Variants in CAMK1 observed in about 807,000 individuals in gnomAD.
CAMK1 encodes the protein calcium/calmodulin-dependent protein kinase type 1.
A neutral mutation model predicts 49.1 loss-of-function variants in CAMK1; 39 were observed. The ratio of observed to expected loss-of-function variants is 0.79; its 90% CI spans 0.62 to 1.04. The LOEUF (loss-of-function observed/expected upper bound fraction) is 1.04, where lower values mean the gene tolerates loss of function less well. Ranked by LOEUF, CAMK1 falls within the 50% of genes least tolerant of loss-of-function variation. The pLI is 0.00. For missense variants in CAMK1, 457 were observed against 472.2 expected, an observed-to-expected ratio of 0.97 and a Z score of 0.30; for synonymous variants, 192 against 185.2, an observed-to-expected ratio of 1.04 and a Z score of -0.30.
At chr3:9,760,836 G>A in intron 7 of CAMK1, 68 bp from the exon 8 acceptor site, 1 of 1,601,636 alleles carries the variant, frequency 6.2e-7, no homozygotes, top group Non-Finnish European at 8.5e-7. Context: ...GGAGCACTGG[G>A]GCAGTCTCAG....
At position 9,767,542 on chromosome 3, in the gene CAMK1, C is replaced by G. The variant is rs1372458864; in HGVS notation, c.83+125G>C. The G allele has an allele frequency of 7.3e-5, 91 of 1,242,860 alleles. 3 individuals carry two copies. The South Asian group carries it at 1.2e-3, about 16-fold the overall frequency. 77.0% of individuals were successfully genotyped at this position (1,242,860 alleles called of 1,614,324 possible). ...AGTGAAAAGCTGGGGACAGTTTAGG[C>G]CCTAGATAGTGCTGCCACAGGGCCT... On this transcript the variant is annotated intron_variant, in intron 2 of 11. Coordinates refer to ENST00000256460, the MANE Select transcript of CAMK1 (RefSeq NM_003656.5).
At chr3:9,767,921 C>A in intron 1 of CAMK1, 140 bp from the exon 2 acceptor site, 3 of 1,266,020 alleles carry the variant, frequency 2.4e-6, no homozygotes, top group Non-Finnish European at 3.1e-6. Flanking sequence ...AACAAACATT[C>A]ATTTGTTTAT....
intron 3 of CAMK1, among the ~76,000 whole-genome samples, chr3:9,765,409 T>C (rs1488256546): frequency 2.0e-5 from 3 of 151,964 alleles, no homozygotes; most frequent in Non-Finnish European, 4.4e-5. Flanking sequence ...ACTTGCTGAG[T>C]GGTTTTAATA....
At chr3:9,763,559 G>C (rs150547706) in intron 3 of CAMK1, among the ~76,000 whole-genome samples, 209 of 152,272 alleles carry the variant, frequency 1.4e-3, no homozygotes, top group African/African-American at 4.8e-3. Context: ...TTTTTTGGAA[G>C]GTGAGAGAGC....
intron 10 of CAMK1, chr3:9,759,142 A>C: frequency 4.1e-6 from 6 of 1,457,634 alleles, no homozygotes; most frequent in Non-Finnish European, 5.8e-6. Context: ...GAATGGCTAT[A>C]GACATTATTC....
At chr3:9,760,831 A>G (rs1168456207) in intron 7 of CAMK1, 63 bp from the exon 8 acceptor site, 1 of 1,605,164 alleles carries the variant, frequency 6.2e-7, no homozygotes, top group African/African-American at 1.3e-5. Context: ...GGGGTGGAGC[A>G]CTGGGGCAGT....
chr3:9,767,666 C>T lies in CAMK1; in HGVS notation c.83+1G>A, dbSNP rs752801104. 1.4e-5 allele frequency: 23 copies of T among 1,614,128 alleles called. No homozygotes were observed. The highest frequency in any genetic ancestry group is 1.9e-5 in the Non-Finnish European group (22 of 1,180,012). ...AGCACCCAATCCTGCCCTGGACTCA[C>T]GTGCCCAGAACATCTCGGAAGTCGT... is the stretch of plus-strand genomic sequence containing the variant. On this transcript the variant is annotated splice_donor_variant, in intron 2 of 11. Transcript: ENST00000256460. LOFTEE classifies it high-confidence loss of function.
Position 9,759,483 on chromosome 3 carries a change from C to G in CAMK1, c.912+5G>C, listed in dbSNP as rs755688457. 6.2e-7 allele frequency: 1 copy of G among 1,614,176 alleles called. No homozygotes were observed. Among genetic ancestry groups the G allele is most frequent in the South Asian group, 1.1e-5 (1 of 91,084 alleles). The stretch of plus-strand genomic sequence containing the variant: ...CTGGGACCAGAACTAGGGATATGGA[C>G]TCACCTTCCACTTGCTCTTGGCAAA... On this transcript the variant is annotated splice_donor_5th_base_variant and intron_variant, in intron 10 of 11. Transcript: ENST00000256460.
chr3:9,760,788 T>A lies in CAMK1; in HGVS notation c.633-20A>T, dbSNP rs779963851. 1.2e-6 allele frequency: 2 copies of A among 1,613,654 alleles called. No individual in the cohort carries two copies. Among genetic ancestry groups the A allele is most frequent in the Admixed American group, 3.3e-5 (2 of 60,002 alleles). Reference sequence around the variant, plus strand: ...CAGAGCCTGGGCAGGGAGAAACTCATCCTCATTTCCACTTTCGGGTGCCGT... The same window carrying A: ...CAGAGCCTGGGCAGGGAGAAACTCAACCTCATTTCCACTTTCGGGTGCCGT... On this transcript the variant is annotated intron_variant, in intron 7 of 11. Coordinates refer to ENST00000256460, the MANE Select transcript of CAMK1 (RefSeq NM_003656.5).
At chr3:9,766,423 G>A (rs2078154811) in intron 2 of CAMK1, 3 of 467,018 alleles carry the variant, frequency 6.4e-6, no homozygotes, top group East Asian at 4.4e-5. Flanking sequence ...AGAACCATCA[G>A]CATCACCCGG....
rs1245350693 is a variant in CAMK1, at chr3:9,757,940, C to T, written c.913-94G>A. On this transcript the variant is annotated intron_variant, in intron 10 of 11. Coordinates refer to ENST00000256460, the MANE Select transcript of CAMK1 (RefSeq NM_003656.5). This position sits in a 1 kb window ranked among gnomAD's most constrained non-coding sequence, Gnocchi z 4.5. The stretch of plus-strand genomic sequence containing the variant: ...GCGCAGTGGGATTCTTGCAATTGTT[C>T]TGTTATTTTCATTCAGGAGTTATTT... 1 of 1,508,096 alleles carries T rather than the reference C, an allele frequency of 6.6e-7. No individual in the cohort carries two copies. The highest frequency in any genetic ancestry group is 1.4e-5 in the African/African-American group (1 of 71,524). The allele number at this position is 1,508,096 out of a possible 1,614,324, so 93.4% of individuals were successfully genotyped here. A position where few individuals can be genotyped will look rare whatever the true frequency, so the allele number is the denominator to read the frequency against.
At position 9,763,012 on chromosome 3, in the gene CAMK1, C is replaced by T; in HGVS notation, c.331G>A (p.Gly111Ser). Residue 111 changes from glycine to serine, a missense_variant, in exon 5 of 12, where the codon GGC becomes AGC. Physicochemically the swap from Gly to Ser is moderately conservative, Grantham distance 56 (BLOSUM62 0). Coordinates refer to ENST00000256460, the MANE Select transcript of CAMK1 (RefSeq NM_003656.5). ...CTGGCGTCCCGCTCCGTGTAGAAGC[C>T]TTTTTCCACAATACGGTCAAAGAGC... ...GELFDRIVEKGFYTERDASRL... is the reference protein window; with the variant it reads ...GELFDRIVEKSFYTERDASRL... 1 of 1,614,132 alleles carries T rather than the reference C, an allele frequency of 6.2e-7. No individual in the cohort carries two copies. Among genetic ancestry groups the T allele is most frequent in the East Asian group, 2.2e-5 (1 of 44,872 alleles).
chr3:9,766,265 A>G (rs1050995339), intron 2 of CAMK1: 79 of 705,704 alleles, frequency 1.1e-4, no homozygotes, highest in African/African-American at 5.1e-4. Flanking sequence ...GAAATGGCCA[A>G]ATATATTTCC....
At chr3:9,762,242 TA>T (rs1373109434) in intron 5 of CAMK1, 6 of 154,832 alleles carry the variant, frequency 3.9e-5, no homozygotes, top group African/African-American at 1.4e-4. Flanking sequence ...GATGTACTGC[TA>T]AATGTGAGCC....
At chr3:9,767,547 G>C in intron 2 of CAMK1, 120 bp downstream of exon 2, 1 of 1,310,244 alleles carries the variant, frequency 7.6e-7, no homozygotes, top group Non-Finnish European at 1.1e-6. Context: ...TTAGGCCCTA[G>C]ATAGTGCTGC....
At chr3:9,760,549 G>A in intron 8 of CAMK1, 107 bp downstream of exon 8, 1 of 1,126,502 alleles carries the variant, frequency 8.9e-7, no homozygotes, top group East Asian at 2.4e-5. Flanking sequence ...TCTTTGTGTG[G>A]TGCTGGAAAA....
intron 2 of CAMK1, among the ~76,000 whole-genome samples, chr3:9,767,202 G>C (rs1007972303): frequency 1.3e-5 from 2 of 152,176 alleles, no homozygotes; most frequent in African/African-American, 4.8e-5. Flanking sequence ...AGCTCTCTCT[G>C]GGCTCCACAA....
At chr3:9,761,871 G>C (rs1295302040) in intron 5 of CAMK1, 114 bp from the exon 6 acceptor site, 1 of 1,453,476 alleles carries the variant, frequency 6.9e-7, no homozygotes, top group Non-Finnish European at 9.1e-7. Context: ...AGCCACTGTG[G>C]CTTCATGGCT....
intron 10 of CAMK1, chr3:9,759,154 G>C (rs200785702): frequency 2.6e-6 from 4 of 1,518,036 alleles, no homozygotes; most frequent in Non-Finnish European, 2.7e-6. Context: ...ACATTATTCC[G>C]CTATGCCTCA....
Sources: allele counts gnomAD v4.1 joint callset (sites outside exome capture counted in the v4.1 genomes callset), GRCh38; gene constraint gnomAD v4.1.1; non-coding constraint Gnocchi (gnomAD v3.1); transcripts MANE v1.5; gene names NCBI Gene and HGNC (gene_info 2026-07-23, HGNC 2026-07-21).